The following GTF2H1 variants were observed in gnomAD, a reference collection of about 807,000 sequenced individuals.
The protein encoded by GTF2H1 is BTF2 p62.
In GTF2H1, 16 loss-of-function variants were observed where a neutral mutation model predicts 71.2. The observed-to-expected ratio is 0.22, with a 90% CI of 0.15 to 0.34. GTF2H1 has a LOEUF of 0.34. Among genes scored for constraint, GTF2H1 ranks in the 10% least tolerant of loss-of-function variants. GTF2H1 has a pLI of 1.00. For missense variants in GTF2H1, 498 were observed against 648.2 expected, an observed-to-expected ratio of 0.77 and a Z score of 2.52; for synonymous variants, 215 against 219.0, an observed-to-expected ratio of 0.98 and a Z score of 0.16.
chr11:18,337,014 G>T (rs1408071986), intron 3 of GTF2H1, among the ~76,000 whole-genome samples: 4 of 152,146 alleles, frequency 2.6e-5, no homozygotes, highest in African/African-American at 4.8e-5. Flanking sequence ...GCCTTCCAAA[G>T]TGCTGGGATA....
rs139214071 is a variant in GTF2H1 at position 18,332,952 on chromosome 11, T to G, written c.-15-108T>G. On this transcript the variant is annotated intron_variant, in intron 1 of 14. Transcript: ENST00000265963. ...AGAGACTTTCTTCTTCCCCGTTAAT[T>G]TCCTACAGTTTAGATTTTATATTTG... The G allele has an allele frequency of 2.0e-3, 1,284 of 658,136 alleles. 3 individuals are homozygous for G. The highest frequency in any genetic ancestry group is 2.7e-3 in the Non-Finnish European group (1,127 of 418,622). The allele number at this position is 658,136 out of a possible 1,614,324, so 40.8% of individuals were successfully genotyped here.
chr11:18,356,748 C>T (rs1865558035), intron 11 of GTF2H1, among the ~76,000 whole-genome samples: 1 of 150,446 alleles, frequency 6.6e-6, no homozygotes, highest in Non-Finnish European at 1.5e-5. Context: ...CCATGCCCAG[C>T]TCTCCCCATG....
intron 11 of GTF2H1, 100 bp downstream of exon 11, chr11:18,352,546 G>A (rs1179279858): frequency 1.7e-6 from 1 of 580,252 alleles, no homozygotes; most frequent in African/African-American, 1.9e-5. Context: ...TTTTAATTGG[G>A]CTTAAAGACA....
chr11:18,347,406 G>A, intron 7 of GTF2H1, 182 bp from the exon 8 acceptor site: 3 of 518,248 alleles, frequency 5.8e-6, no homozygotes, highest in Non-Finnish European at 1.0e-5. Flanking sequence ...ACGAGTTAGT[G>A]CTATTTGTTA....
chr11:18,330,176 C>A (rs962537492), intron 1 of GTF2H1, among the ~76,000 whole-genome samples: 9 of 152,122 alleles, frequency 5.9e-5, no homozygotes, highest in African/African-American at 2.2e-4. Flanking sequence ...TTTAAAAATT[C>A]TGTGGCAAAC....
chr11:18,324,107 A>T (rs1023936857), intron 1 of GTF2H1: 2 of 152,274 alleles, frequency 1.3e-5, no homozygotes, highest in Non-Finnish European at 2.9e-5. Flanking sequence ...CTGGAGTGCA[A>T]TGGCGCGATC....
chr11:18,328,219 A>ATTTTATGGAATC, intron 1 of GTF2H1, among the ~76,000 whole-genome samples: 1 of 146,570 alleles, frequency 6.8e-6, no homozygotes, highest in East Asian at 2.0e-4. Flanking sequence ...AAAAAAAAAA[A>ATTTTATGGAATC]AGAATATGGG....
rs1267089278 is a variant in GTF2H1 at position 18,366,770 on chromosome 11, AT to A, written c.*902del. The A allele has an allele frequency of 6.6e-6, 1 of 152,500 alleles. No individual in the cohort carries two copies. Among genetic ancestry groups the A allele is most frequent in the East Asian group, 1.9e-4 (1 of 5,196 alleles). 9.4% of individuals were successfully genotyped at this position (152,500 alleles called of 1,614,324 possible). ...CTTATGAGTGAGAAATATTAAAAAA[AT>A]CTTATTTTCACCTCTTTAGAAGAAA... On this transcript the variant is annotated 3_prime_UTR_variant, in exon 15 of 15. Coordinates refer to ENST00000265963, the MANE Select transcript of GTF2H1 (RefSeq NM_005316.4).
chr11:18,330,680 C>T (rs1864873625), intron 1 of GTF2H1, among the ~76,000 whole-genome samples: 1 of 151,966 alleles, frequency 6.6e-6, no homozygotes. Flanking sequence ...CAGCCTGACT[C>T]CTTTTCCCTA....
Position 18,360,959 on chromosome 11 carries a change from C to T in GTF2H1, c.1560+252C>T, listed in dbSNP as rs189017295. ...TAGCTGAGATTACAAGCGCATGCTG[C>T]CACGCCCAGCTAATTTTTGTATTTT... On this transcript the variant is annotated intron_variant, in intron 14 of 14. Transcript: ENST00000265963. Among the ~76,000 whole-genome samples the T allele has an allele frequency of 1.3e-3, 194 of 152,070 alleles. 8 individuals are homozygous for T. Among genetic ancestry groups the T allele is most frequent in the Admixed American group, 0.013 (193 of 15,270 alleles).
chr11:18,326,665 C>T (rs767169612), intron 1 of GTF2H1, among the ~76,000 whole-genome samples: 18 of 152,210 alleles, frequency 1.2e-4, no homozygotes, highest in South Asian at 6.2e-4. Context: ...AATACTAACA[C>T]TTTATTTGTG....
intron 7 of GTF2H1, among the ~76,000 whole-genome samples, chr11:18,345,161 A>C (rs1045134121): frequency 6.6e-6 from 1 of 152,128 alleles, no homozygotes; most frequent in Non-Finnish European, 1.5e-5. Context: ...ACTGCACTCC[A>C]GCCTGGGCAA....
chr11:18,361,763 G>A (rs4150672), intron 14 of GTF2H1, among the ~76,000 whole-genome samples: 4,100 of 152,298 alleles, frequency 0.027, 83 homozygotes, highest in African/African-American at 0.053. Context: ...ACCTAGCAGC[G>A]TAAGGAAAGA....
At chr11:18,347,542 A>C (rs1180880880) in intron 7 of GTF2H1, 46 bp from the exon 8 acceptor site, 1 of 1,432,710 alleles carries the variant, frequency 7.0e-7, no homozygotes, top group Admixed American at 2.7e-5. Flanking sequence ...TATAATAAGA[A>C]AAGCAGAACC....
intron 11 of GTF2H1, among the ~76,000 whole-genome samples, chr11:18,355,425 G>C (rs146886699): frequency 0.017 from 2,534 of 152,030 alleles, 37 homozygotes; most frequent in Middle Eastern, 0.037. Flanking sequence ...TTACAGGCGT[G>C]AGCCACCACG....
At chr11:18,332,298 C>T (rs978199166) in intron 1 of GTF2H1, among the ~76,000 whole-genome samples, 13 of 152,208 alleles carry the variant, frequency 8.5e-5, no homozygotes, top group Non-Finnish European at 1.6e-4. Context: ...ACAACTTTCC[C>T]CATCCTGGCC....
intron 1 of GTF2H1, among the ~76,000 whole-genome samples, chr11:18,325,351 C>G (rs1460978349): frequency 1.3e-5 from 2 of 152,174 alleles, no homozygotes; most frequent in South Asian, 2.1e-4. Flanking sequence ...GAATTGAAAA[C>G]TATAGTGGTT....
At chr11:18,351,849 CAAAAT>C (rs1430139917) in intron 9 of GTF2H1, 27 bp from the exon 10 acceptor site, 10 of 1,133,178 alleles carry the variant, frequency 8.8e-6, no homozygotes, top group East Asian at 2.4e-5. Context: ...AAAGTTGTGA[CAAAAT>C]AAAAAGTACT....
Position 18,333,230 on chromosome 11 carries a change from T to C in GTF2H1, c.154+2T>C. 6.2e-7 allele frequency: 1 copy of C among 1,604,260 alleles called. No individual in the cohort carries two copies. The highest frequency in any genetic ancestry group is 8.5e-7 in the Non-Finnish European group (1 of 1,173,248). On this transcript the variant is annotated splice_donor_variant, in intron 2 of 14. Transcript: ENST00000265963. LOFTEE classifies it high-confidence loss of function. ...GCCATATGTATGCAGATATTAAATG[T>C]AAGTCAGCTATACTAAGTTCTGATG...
Sources: allele counts gnomAD v4.1 joint callset (sites outside exome capture counted in the v4.1 genomes callset), GRCh38; gene constraint gnomAD v4.1.1; transcripts MANE v1.5; gene names NCBI Gene and HGNC (gene_info 2026-07-23, HGNC 2026-07-21).